The following CRACDL variants were observed in gnomAD, a reference collection of about 807,000 sequenced individuals.
CRACDL encodes the protein CRACD-like protein.
Under a neutral mutation model 70.6 loss-of-function variants are expected in CRACDL, and 26 were observed. The observed-to-expected ratio is 0.37, with a 90% CI of 0.27 to 0.51. The LOEUF (loss-of-function observed/expected upper bound fraction) is 0.51. Ranked by LOEUF, CRACDL falls within the 20% of genes least tolerant of loss-of-function variation. The pLI is 0.94. For missense variants in CRACDL, 1,283 were observed against 1,376.9 expected (o/e 0.93, Z 1.08); for synonymous variants, 618 against 615.2 (o/e 1.00, Z -0.07).
At chr2:98,896,950 T>C in intron 1 of CRACDL, among the ~76,000 whole-genome samples, 1 of 152,174 alleles carries the variant, frequency 6.6e-6, no homozygotes, top group East Asian at 1.9e-4. Flanking sequence ...GGAAATATTT[T>C]GCGTTATTTC....
At chr2:98,837,444 CA>C (rs2104513577) in intron 3 of CRACDL, among the ~76,000 whole-genome samples, 1 of 151,548 alleles carries the variant, frequency 6.6e-6, no homozygotes, top group South Asian at 2.1e-4. Context: ...CTTAAAGGGC[CA>C]GCGTTGTCTT....
At chr2:98,899,336 GATACACAA>G in intron 1 of CRACDL, among the ~76,000 whole-genome samples, 2 of 152,264 alleles carry the variant, frequency 1.3e-5, no homozygotes, top group African/African-American at 2.4e-5. Flanking sequence ...AAGTGACAAA[GATACACAA>G]GAGTCCTCAT....
intron 3 of CRACDL, among the ~76,000 whole-genome samples, chr2:98,836,926 C>A (rs1184134427): frequency 1.3e-5 from 2 of 151,572 alleles, no homozygotes. Context: ...GCTGAAAATA[C>A]AAAAAAAATT....
intron 7 of CRACDL, among the ~76,000 whole-genome samples, chr2:98,813,842 T>TG (rs1055644761): frequency 5.9e-5 from 9 of 152,164 alleles, no homozygotes; most frequent in African/African-American, 2.2e-4. Context: ...CACGTGAAAA[T>TG]GGAGTTTTCT....
chr2:98,802,433 A>G (rs1173146322), intron 7 of CRACDL, among the ~76,000 whole-genome samples: 1 of 152,186 alleles, frequency 6.6e-6, no homozygotes, highest in African/African-American at 2.4e-5. Context: ...CCTGTAGGAG[A>G]GGATGACAAA....
chr2:98,933,940 A>C (rs1264057963), intron 1 of CRACDL, among the ~76,000 whole-genome samples: 2 of 152,156 alleles, frequency 1.3e-5, no homozygotes, highest in Non-Finnish European at 2.9e-5. Context: ...GTGGGGGCCC[A>C]TTCCTCATAG....
At chr2:98,835,017 A>G (rs1017615067) in intron 3 of CRACDL, among the ~76,000 whole-genome samples, 5 of 152,344 alleles carry the variant, frequency 3.3e-5, no homozygotes, top group African/African-American at 1.2e-4. Flanking sequence ...AGTATTTATA[A>G]TATTTTTAAC....
intron 7 of CRACDL, among the ~76,000 whole-genome samples, chr2:98,799,852 C>A (rs55887528): frequency 2.0e-5 from 3 of 152,298 alleles, no homozygotes; most frequent in Non-Finnish European, 4.4e-5. Flanking sequence ...TCTGGGGGAG[C>A]CTGTCCTCCT....
At chr2:98,903,342 C>CG (rs1326220525) in intron 1 of CRACDL, among the ~76,000 whole-genome samples, 8 of 152,234 alleles carry the variant, frequency 5.3e-5, no homozygotes, top group South Asian at 2.1e-4. Flanking sequence ...GGACCATGAT[C>CG]GGGGGGCTGA....
At chr2:98,900,684 C>T (rs1225103531) in intron 1 of CRACDL, among the ~76,000 whole-genome samples, 1 of 152,016 alleles carries the variant, frequency 6.6e-6, no homozygotes, top group African/African-American at 2.4e-5. Context: ...TAGTAAAGTA[C>T]TGTTTGTCAG....
intron 3 of CRACDL, among the ~76,000 whole-genome samples, chr2:98,836,181 C>T (rs377536691): frequency 3.2e-4 from 48 of 152,264 alleles, no homozygotes; most frequent in East Asian, 1.5e-3. Flanking sequence ...GAAGCACAAC[C>T]GCACAGACAC....
At chr2:98,905,659 C>T (rs867733120) in intron 1 of CRACDL, among the ~76,000 whole-genome samples, 26 of 143,454 alleles carry the variant, frequency 1.8e-4, no homozygotes, top group Middle Eastern at 7.4e-3. Context: ...GACAGAGTCT[C>T]GTTCTGTCAC....
In CRACDL at chr2:98,822,278, C is replaced by G. The variant is rs763385203; in HGVS notation, c.1995G>C (p.Glu665Asp). Residue 665 changes from glutamate to aspartate, a missense_variant, in exon 7 of 10, where the codon GAG becomes GAC. Physicochemically the swap from Glu to Asp is conservative, Grantham distance 45 (BLOSUM62 2). Transcript: ENST00000397899. This position sits in a 1 kb window ranked among gnomAD's most constrained non-coding sequence, Gnocchi z 4.9. The stretch of plus-strand genomic sequence containing the variant: ...CCGGCTCCTGGGCGGCTGGGCAGGG[C>G]TCTCTCGTGCCGGGCGCGGCGGCCG... ...QEAAAAPGTR[E>D]PCPAAQEPAP... The G allele has an allele frequency of 1.3e-6, 2 of 1,575,768 alleles. No homozygotes were observed. The highest frequency in any genetic ancestry group is 1.1e-5 in the South Asian group (1 of 88,002).
chr2:98,892,752 C>T (rs907327046), intron 1 of CRACDL, among the ~76,000 whole-genome samples: 5 of 151,956 alleles, frequency 3.3e-5, no homozygotes, highest in Non-Finnish European at 5.9e-5. Context: ...TGCATATATA[C>T]AGTATGATTT....
At chr2:98,933,517 G>A (rs945956923) in intron 1 of CRACDL, among the ~76,000 whole-genome samples, 2 of 152,214 alleles carry the variant, frequency 1.3e-5, no homozygotes, top group Non-Finnish European at 2.9e-5. Flanking sequence ...ACTAGGGACA[G>A]CAAAATCAAG....
chr2:98,818,488 A>G (rs1704883171), intron 7 of CRACDL, among the ~76,000 whole-genome samples: 1 of 152,174 alleles, frequency 6.6e-6, no homozygotes, highest in South Asian at 2.1e-4. Flanking sequence ...TCAATCATCC[A>G]ACTTTACTGT....
intron 1 of CRACDL, among the ~76,000 whole-genome samples, chr2:98,933,303 C>A (rs1709128700): frequency 6.6e-6 from 1 of 152,204 alleles, no homozygotes; most frequent in Non-Finnish European, 1.5e-5. Context: ...GGGACTACAA[C>A]CCTCTCCTGG....
At chr2:98,910,519 T>TGGG (rs1708521274) in intron 1 of CRACDL, among the ~76,000 whole-genome samples, 5 of 99,420 alleles carry the variant, frequency 5.0e-5, no homozygotes, top group Non-Finnish European at 1.0e-4. Flanking sequence ...AGACTCTGTC[T>TGGG]CAAAATAAAT....
At chr2:98,810,075 AGCCTG>A (rs1428868139) in intron 7 of CRACDL, among the ~76,000 whole-genome samples, 4 of 152,108 alleles carry the variant, frequency 2.6e-5, no homozygotes, top group Admixed American at 2.6e-4. Context: ...ATGCAGACAC[AGCCTG>A]GTCCAAGGAT....
Sources: allele counts gnomAD v4.1 joint callset (sites outside exome capture counted in the v4.1 genomes callset), GRCh38; gene constraint gnomAD v4.1.1; non-coding constraint Gnocchi (gnomAD v3.1); transcripts MANE v1.5; gene names NCBI Gene and HGNC (gene_info 2026-07-23, HGNC 2026-07-21).